The following HERC3 variants were observed in gnomAD, a reference collection of about 807,000 sequenced individuals.
HERC3 encodes the protein HECT and RLD domain containing E3 ubiquitin protein ligase 3.
In HERC3, 58 loss-of-function variants were observed where a neutral mutation model predicts 129.9. The observed-to-expected ratio is 0.45, with a 90% confidence interval of 0.36 to 0.56. The LOEUF is 0.56. HERC3 is among the 20% of genes least tolerant of loss of function. The pLI, the probability that HERC3 is intolerant of heterozygous loss-of-function variation, is 0.00. For synonymous variants in HERC3, 430 were observed against 451.0 expected, an observed-to-expected ratio of 0.95 and a Z score of 0.59; for missense variants, 835 against 1,244.2, an observed-to-expected ratio of 0.67 and a Z score of 4.95.
At chr4:88,661,633 T>C (rs976240670) in intron 10 of HERC3, among the ~76,000 whole-genome samples, 1 of 152,216 alleles carries the variant, frequency 6.6e-6, no homozygotes, top group Non-Finnish European at 1.5e-5. Context: ...CAAGCAATTT[T>C]AGAAAAGGAA....
At chr4:88,607,751 G>A (rs145906929) in intron 3 of HERC3, among the ~76,000 whole-genome samples, 32 of 152,318 alleles carry the variant, frequency 2.1e-4, no homozygotes, top group East Asian at 1.2e-3. Flanking sequence ...TTACAGGTGC[G>A]AACCACTGTT....
At chr4:88,675,267 G>A (rs1732037711) in intron 16 of HERC3, among the ~76,000 whole-genome samples, 1 of 152,132 alleles carries the variant, frequency 6.6e-6, no homozygotes, top group Non-Finnish European at 1.5e-5. Context: ...CCTTTTCTTA[G>A]GTGCAGATGG....
intron 2 of HERC3, among the ~76,000 whole-genome samples, chr4:88,602,848 T>C (rs147899756): frequency 4.9e-4 from 75 of 152,334 alleles, no homozygotes; most frequent in African/African-American, 1.7e-3. Flanking sequence ...ATTTAGCGTC[T>C]TTCTCAAATT....
At chr4:88,700,563 A>G (rs949645581) in intron 23 of HERC3, among the ~76,000 whole-genome samples, 10 of 152,180 alleles carry the variant, frequency 6.6e-5, no homozygotes, top group African/African-American at 2.4e-4. Context: ...AAACTCTTTC[A>G]GGCTCTACCT....
chr4:88,558,876 A>G, the HERC3 span, among the ~76,000 whole-genome samples: 81 of 151,858 alleles, frequency 5.3e-4, no homozygotes, highest in Non-Finnish European at 9.0e-4. Context: ...GCTGAGGCAG[A>G]AGAATGGCGT....
upstream of HERC3, among the ~76,000 whole-genome samples, chr4:88,591,145 G>T (rs1721682536): frequency 6.6e-6 from 1 of 151,960 alleles, no homozygotes. Context: ...CACCGGCTTC[G>T]GCCTCCCAAA....
intron 23 of HERC3, among the ~76,000 whole-genome samples, chr4:88,694,141 C>T (rs1198674843): frequency 6.6e-6 from 1 of 152,178 alleles, no homozygotes; most frequent in African/African-American, 2.4e-5. Context: ...GGCCAGAGCA[C>T]ATAGCTAGGA....
the HERC3 span, among the ~76,000 whole-genome samples, chr4:88,562,267 C>T: frequency 6.6e-6 from 1 of 152,150 alleles, no homozygotes; most frequent in African/African-American, 2.4e-5. Context: ...AGCACCTTTT[C>T]ATATACCTGT....
At position 88,707,199 on chromosome 4, in the gene HERC3, G is replaced by A. The variant is rs567150044; in HGVS notation, c.*239G>A. On this transcript the variant is annotated 3_prime_UTR_variant, in exon 26 of 26. Coordinates refer to ENST00000402738, the MANE Select transcript of HERC3 (RefSeq NM_014606.3). The stretch of plus-strand genomic sequence containing the variant: ...TTGTATGGGAGGTGTTTTTGTTTTT[G>A]TTTTAAACCAAACTACCCAGTATTC... The A allele has an allele frequency of 1.2e-4, 59 of 512,870 alleles. 1 individual carries two copies. In the South Asian group the frequency reaches 1.3e-3, roughly 11 times the overall value. 31.8% of individuals were successfully genotyped at this position (512,870 alleles called of 1,614,324 possible). A position where few individuals can be genotyped will look rare whatever the true frequency, so the allele number is the denominator to read the frequency against.
intron 23 of HERC3, among the ~76,000 whole-genome samples, chr4:88,691,405 CA>C (rs1195134662): frequency 6.6e-6 from 1 of 152,220 alleles, no homozygotes; most frequent in African/African-American, 2.4e-5. Flanking sequence ...ATAAACAACA[CA>C]AATGTATTTG....
chr4:88,532,256 G>A, the HERC3 span, among the ~76,000 whole-genome samples: 2 of 152,174 alleles, frequency 1.3e-5, no homozygotes, highest in Non-Finnish European at 1.5e-5. Flanking sequence ...AGGCCTGGAA[G>A]TCCCATAATC....
the HERC3 span, among the ~76,000 whole-genome samples, chr4:88,531,149 TG>T: frequency 6.6e-6 from 1 of 152,090 alleles, no homozygotes; most frequent in Non-Finnish European, 1.5e-5. Flanking sequence ...TGACCCACCA[TG>T]CCTGGCAGGA....
the HERC3 span, among the ~76,000 whole-genome samples, chr4:88,530,566 T>C: frequency 6.6e-6 from 1 of 152,208 alleles, no homozygotes; most frequent in East Asian, 1.9e-4. Context: ...TTTATCTCCT[T>C]TCCTCATTTT....
At chr4:88,534,269 T>A in the HERC3 span, among the ~76,000 whole-genome samples, 1 of 152,316 alleles carries the variant, frequency 6.6e-6, no homozygotes, top group South Asian at 2.1e-4. Flanking sequence ...TATTTGGCAA[T>A]GTGTGGATGT....
intron 23 of HERC3, among the ~76,000 whole-genome samples, chr4:88,701,639 G>T (rs28406134): frequency 0.18 from 27,402 of 151,770 alleles, 2,608 homozygotes; most frequent in East Asian, 0.24. Flanking sequence ...TACTGATACC[G>T]CTGTACATAC....
At chr4:88,524,142 G>A in the HERC3 span, among the ~76,000 whole-genome samples, 1 of 152,204 alleles carries the variant, frequency 6.6e-6, no homozygotes, top group Admixed American at 6.5e-5. Flanking sequence ...TGTCATGGAT[G>A]TATTGAAAGC....
intron 1 of HERC3, chr4:88,593,521 C>T (rs1427003943): frequency 1.3e-5 from 2 of 152,248 alleles, no homozygotes; most frequent in Non-Finnish European, 2.9e-5. Context: ...GTTGGTCTGT[C>T]ACTGTTTCTG....
chr4:88,629,889 C>T (rs1726547738), intron 3 of HERC3, among the ~76,000 whole-genome samples: 1 of 152,110 alleles, frequency 6.6e-6, no homozygotes, highest in Non-Finnish European at 1.5e-5. Context: ...TGTGATTTTA[C>T]AGTTAAACTA....
chr4:88,702,035 C>A (rs1735366780), intron 23 of HERC3, among the ~76,000 whole-genome samples: 1 of 152,122 alleles, frequency 6.6e-6, no homozygotes, highest in African/African-American at 2.4e-5. Flanking sequence ...CTGAAGCCAT[C>A]TGCCTGCCTC....
Sources: allele counts gnomAD v4.1 joint callset (sites outside exome capture counted in the v4.1 genomes callset), GRCh38; gene constraint gnomAD v4.1.1; transcripts MANE v1.5; gene names NCBI Gene and HGNC (gene_info 2026-07-23, HGNC 2026-07-21).